Variants in SLC12A5 observed in about 807,000 individuals in gnomAD.
SLC12A5 encodes the protein K-Cl cotransporter 2.
In SLC12A5, 18 loss-of-function variants were observed where a neutral mutation model predicts 124.0. The observed-to-expected ratio is 0.15, with a 90% confidence interval of 0.10 to 0.22. SLC12A5 has a LOEUF of 0.22. Ranked by LOEUF, SLC12A5 falls within the 10% of genes least tolerant of loss-of-function variation. SLC12A5 has a pLI of 1.00. For synonymous variants in SLC12A5, 589 were observed against 568.0 expected (o/e 1.04, Z -0.53); for missense variants, 867 against 1,478.7 (o/e 0.59, Z 6.78).
At chr20:46,023,425 T>C (rs2084372518) in exon 3 of SLC12A5, 1 of 398,788 alleles carries the variant, frequency 2.5e-6, no homozygotes, top group Non-Finnish European at 4.4e-6. Context: ...ATCCTGAATC[T>C]GGCAGCATCG....
chr20:46,058,403 C>T lies in SLC12A5; in HGVS notation c.*798C>T. ...TCCCACCCTCCTCTCCAGTCCTTTT[C>T]CGAGATGAGGTGAGACAAGGGTCCA... On this transcript the variant is annotated 3_prime_UTR_variant, in exon 26 of 26. Transcript: ENST00000243964. This position sits in a 1 kb window ranked among gnomAD's most constrained non-coding sequence, Gnocchi z 5.8. 1 of 398,850 alleles carries T rather than the reference C, an allele frequency of 2.5e-6. No homozygotes were observed. Among genetic ancestry groups the T allele is most frequent in the East Asian group, 3.6e-5 (1 of 28,062 alleles). 24.7% of individuals were successfully genotyped at this position (398,850 alleles called of 1,614,324 possible).
At chr20:46,022,962 G>GGAGGAGGAGGAGGAGGAA (rs1568852703) in exon 2 of SLC12A5, 97 of 398,218 alleles carry the variant, frequency 2.4e-4, no homozygotes, top group African/African-American at 1.8e-3. Flanking sequence ...AGGAGGAGGA[G>GGAGGAGGAGGAGGAGGAA]GAGGAGGAGG....
upstream of SLC12A5, among the ~76,000 whole-genome samples, chr20:46,025,629 C>A (rs918904475): frequency 6.6e-6 from 1 of 152,034 alleles, no homozygotes; most frequent in African/African-American, 2.4e-5. Context: ...GAATGAGGGG[C>A]TGTTGGGGTG....
Position 46,036,398 on chromosome 20 carries a change from G to A in SLC12A5, c.427-343G>A, listed in dbSNP as rs117125729. ...TGAGACAGCTCTGCATGTGAGGTAC[G>A]CAGTGTCGGAGCTGTTACTCCTATT... On this transcript the variant is annotated intron_variant, in intron 4 of 25. Coordinates refer to ENST00000243964, the MANE Select transcript of SLC12A5 (RefSeq NM_020708.5). Among the ~76,000 whole-genome samples the A allele has an allele frequency of 2.2e-4, 33 of 152,302 alleles. No homozygotes were observed. In the East Asian group the frequency reaches 2.7e-3, roughly 12 times the overall value.
chr20:46,057,453 C>T lies in SLC12A5; in HGVS notation c.3260-61C>T. 3.1e-6 allele frequency: 5 copies of T among 1,604,038 alleles called. No individual in the cohort carries two copies. Among genetic ancestry groups the T allele is most frequent in the Middle Eastern group, 1.7e-4 (1 of 6,048 alleles). On this transcript the variant is annotated intron_variant, in intron 25 of 25. Transcript: ENST00000243964. The surrounding 1 kb of genome is among the most constrained non-coding windows in gnomAD (Gnocchi z 7.1). ...CGCGAGAGGTCCCCTGGCAGCCGAGCGCGACCCCAATTTCGTCGGGAGGGA... is the reference window on the plus strand; with the variant it reads ...CGCGAGAGGTCCCCTGGCAGCCGAGTGCGACCCCAATTTCGTCGGGAGGGA...
intron 2 of SLC12A5, 100 bp downstream of exon 2, chr20:46,035,142 AC>A: frequency 8.1e-7 from 1 of 1,238,644 alleles, no homozygotes; most frequent in Non-Finnish European, 1.2e-6. Context: ...CCTCGTCTCC[AC>A]CCCTCCCTTG....
At position 46,045,816 on chromosome 20, in the gene SLC12A5, C is replaced by T; in HGVS notation, c.1570-62C>T. Reference sequence around the variant, plus strand: ...GCCTCTACTCCACTGGTTCCCGAGGCTAGGGGAGAGGGCTGAGAAATCCTT... The same window carrying T: ...GCCTCTACTCCACTGGTTCCCGAGGTTAGGGGAGAGGGCTGAGAAATCCTT... On this transcript the variant is annotated intron_variant, in intron 12 of 25. Coordinates refer to ENST00000243964, the MANE Select transcript of SLC12A5 (RefSeq NM_020708.5). This position sits in a 1 kb window ranked among gnomAD's most constrained non-coding sequence, Gnocchi z 4.9. 1 of 1,395,590 alleles carries T rather than the reference C, an allele frequency of 7.2e-7. No individual in the cohort carries two copies. The highest frequency in any genetic ancestry group is 1.0e-6 in the Non-Finnish European group (1 of 988,674). The allele number at this position is 1,395,590 out of a possible 1,614,324, so 86.5% of individuals were successfully genotyped here.
chr20:46,042,723 G>A (rs1012235657), intron 8 of SLC12A5, among the ~76,000 whole-genome samples: 6 of 152,146 alleles, frequency 3.9e-5, no homozygotes, highest in Non-Finnish European at 7.3e-5. Flanking sequence ...AAGGACAGAA[G>A]TTGGAGGTGG....
intron 8 of SLC12A5, among the ~76,000 whole-genome samples, chr20:46,041,927 G>GGC (rs140097473): frequency 7.9e-5 from 10 of 125,984 alleles, no homozygotes; most frequent in Non-Finnish European, 1.2e-4. Context: ...GAGAATGCCC[G>GGC]GGGGGGGAGA....
chr20:46,050,963 C>T (rs1249842495), intron 17 of SLC12A5, among the ~76,000 whole-genome samples: 3 of 152,172 alleles, frequency 2.0e-5, no homozygotes, highest in African/African-American at 7.2e-5. Flanking sequence ...GTCCTGACCC[C>T]TTGGGTGGTT....
intron 1 of SLC12A5, among the ~76,000 whole-genome samples, chr20:46,034,657 A>G (rs1458420317): frequency 6.6e-6 from 1 of 152,100 alleles, no homozygotes; most frequent in Non-Finnish European, 1.5e-5. Flanking sequence ...GAGCCCAGCT[A>G]TAGTTAAGAA....
chr20:46,022,052 G>A (rs2084360245), intron 1 of SLC12A5: 2 of 889,680 alleles, frequency 2.2e-6, no homozygotes, highest in Non-Finnish European at 3.1e-6. Context: ...CCAAGGGGCC[G>A]GGGCCGCGGA....
upstream of SLC12A5, chr20:46,027,518 A>C (rs1390595073): frequency 1.3e-5 from 2 of 152,218 alleles, no homozygotes; most frequent in African/African-American, 2.4e-5. Context: ...GGATTTTTGC[A>C]GGTTTTCTGG....
intron 1 of SLC12A5, among the ~76,000 whole-genome samples, chr20:46,032,932 C>G (rs188956550): frequency 1.3e-5 from 2 of 152,278 alleles, no homozygotes; most frequent in East Asian, 3.9e-4. Flanking sequence ...TCCTGAGCAC[C>G]TATTATGTGC....
In SLC12A5 at chr20:46,058,334, C is replaced by T. The variant is rs776054467; in HGVS notation, c.*729C>T. ...TCGTGGCCTCGTTCCCTCGACACCT[C>T]CGTCCTGCTCTCGCCTCTTCGCCCT... On this transcript the variant is annotated 3_prime_UTR_variant, in exon 26 of 26. Transcript: ENST00000243964. The surrounding 1 kb of genome is among the most constrained non-coding windows in gnomAD (Gnocchi z 5.8). 3.8e-5 allele frequency: 15 copies of T among 397,838 alleles called. No individual in the cohort carries two copies. The highest frequency in any genetic ancestry group is 2.7e-5 in the Non-Finnish European group (6 of 226,000). The allele number at this position is 397,838 out of a possible 1,614,324, so 24.6% of individuals were successfully genotyped here. A position where few individuals can be genotyped will look rare whatever the true frequency, so the allele number is the denominator to read the frequency against.
upstream of SLC12A5, chr20:46,029,009 A>T: frequency 3.4e-6 from 2 of 581,672 alleles, no homozygotes; most frequent in South Asian, 5.4e-5. Context: ...GCAATCCCCC[A>T]GTTTTTGTGC....
upstream of SLC12A5, chr20:46,021,775 A>C (rs2084356676): frequency 6.5e-7 from 1 of 1,532,984 alleles, no homozygotes; most frequent in Admixed American, 2.0e-5. Flanking sequence ...CATGAGCCGC[A>C]GGTTCACGGT....
chr20:46,055,610 C>T (rs1347541831), intron 21 of SLC12A5, among the ~76,000 whole-genome samples: 1 of 152,096 alleles, frequency 6.6e-6, no homozygotes, highest in East Asian at 1.9e-4. Context: ...GTTACCCCAG[C>T]TGGGGACAGA....
rs902620990 is a variant in SLC12A5 at position 46,041,612 on chromosome 20, G to C, written c.1066+72G>C. The C allele has an allele frequency of 2.0e-6, 3 of 1,516,048 alleles. No individual in the cohort carries two copies. The African/African-American group carries it at 4.1e-5, about 21-fold the overall frequency. The allele number at this position is 1,516,048 out of a possible 1,614,324, so 93.9% of individuals were successfully genotyped here. ...TGTAGGTTAAGCGGTCAGGATTAAG[G>C]GGCCCTCCTTGGGATTCAGCTAAAT... On this transcript the variant is annotated intron_variant, in intron 8 of 25. Transcript: ENST00000243964.
Sources: allele counts gnomAD v4.1 joint callset (sites outside exome capture counted in the v4.1 genomes callset), GRCh38; gene constraint gnomAD v4.1.1; non-coding constraint Gnocchi (gnomAD v3.1); transcripts MANE v1.5; gene names NCBI Gene and HGNC (gene_info 2026-07-23, HGNC 2026-07-21).